Variants in ABCG2 observed in about 807,000 individuals in gnomAD.
ABCG2 encodes the protein broad substrate specificity ATP-binding cassette transporter ABCG2.
Under a neutral mutation model 73.5 loss-of-function variants are expected in ABCG2, and 80 were observed. The observed-to-expected ratio is 1.09, with a 90% CI of 0.91 to 1.31. ABCG2 has a LOEUF of 1.31. Among genes scored for constraint, ABCG2 ranks in the 50% most tolerant of loss-of-function variants. The pLI is 0.00. For synonymous variants in ABCG2, 269 were observed against 282.4 expected (o/e 0.95, Z 0.48); for missense variants, 796 against 786.2 (o/e 1.01, Z -0.15).
chr4:88,138,826 A>G (rs1031431211), intron 2 of ABCG2, among the ~76,000 whole-genome samples: 19 of 152,144 alleles, frequency 1.2e-4, no homozygotes, highest in African/African-American at 4.6e-4. Context: ...GAACTCATCT[A>G]TTGCTGAAAT....
chr4:88,131,424 C>G (rs1055087908), intron 4 of ABCG2, among the ~76,000 whole-genome samples: 2 of 152,084 alleles, frequency 1.3e-5, no homozygotes, highest in Non-Finnish European at 2.9e-5. Context: ...ATCTGTACAC[C>G]CAAATAGAAT....
intron 1 of ABCG2, among the ~76,000 whole-genome samples, chr4:88,186,842 C>T (rs1309877331): frequency 3.4e-5 from 5 of 146,396 alleles, no homozygotes; most frequent in African/African-American, 1.3e-4. Flanking sequence ...TGGCGTGAAC[C>T]CGGGAGGCAG....
intron 1 of ABCG2, among the ~76,000 whole-genome samples, chr4:88,188,107 A>T (rs6532053): frequency 3.9e-5 from 6 of 152,220 alleles, no homozygotes; most frequent in African/African-American, 1.2e-4. Flanking sequence ...TAAGAGTTTC[A>T]TAAGTTTAAG....
At chr4:88,211,180 G>T (rs1487433625) in intron 1 of ABCG2, among the ~76,000 whole-genome samples, 1 of 151,940 alleles carries the variant, frequency 6.6e-6, no homozygotes, top group Non-Finnish European at 1.5e-5. Context: ...GTGCTAAACA[G>T]GGGACTTAAC....
chr4:88,115,284 A>ATATATATATATATATATT (rs58774529), intron 7 of ABCG2, among the ~76,000 whole-genome samples: 14 of 73,136 alleles, frequency 1.9e-4, no homozygotes, highest in East Asian at 1.7e-3. Flanking sequence ...ATATATATAT[A>ATATATATATATATATATT]ATTTATTTAT....
chr4:88,212,259 G>A (rs555603954), intron 1 of ABCG2, among the ~76,000 whole-genome samples: 25 of 152,244 alleles, frequency 1.6e-4, no homozygotes, highest in African/African-American at 6.0e-4. Context: ...ACTTTCCCCA[G>A]AAGATCTCAG....
chr4:88,178,726 A>G (rs1213104900), intron 1 of ABCG2, among the ~76,000 whole-genome samples: 2 of 152,112 alleles, frequency 1.3e-5, no homozygotes, highest in Admixed American at 6.5e-5. Flanking sequence ...GCAGCATTCA[A>G]TACAAGCTGA....
intron 1 of ABCG2, among the ~76,000 whole-genome samples, chr4:88,148,357 C>T (rs1560714853): frequency 1.3e-5 from 2 of 152,038 alleles, no homozygotes; most frequent in Admixed American, 6.6e-5. Context: ...AATCCTTAAT[C>T]GAAAGAGATA....
intron 10 of ABCG2, among the ~76,000 whole-genome samples, chr4:88,101,888 T>C (rs957206800): frequency 6.6e-6 from 1 of 152,238 alleles, no homozygotes; most frequent in Non-Finnish European, 1.5e-5. Context: ...TATTTTGGTA[T>C]GGCAGCCAGG....
intron 1 of ABCG2, among the ~76,000 whole-genome samples, chr4:88,200,783 A>T (rs1319927209): frequency 6.6e-6 from 1 of 152,180 alleles, no homozygotes; most frequent in Admixed American, 6.5e-5. Context: ...AAGTGCTAGG[A>T]TTACAGGTGT....
intron 5 of ABCG2, among the ~76,000 whole-genome samples, chr4:88,129,142 G>A (rs553261879): frequency 1.3e-5 from 2 of 152,186 alleles, no homozygotes; most frequent in East Asian, 3.9e-4. Flanking sequence ...TAAGAGCATG[G>A]GCTCTGCAGC....
intron 1 of ABCG2, among the ~76,000 whole-genome samples, chr4:88,226,232 A>AG (rs1730205869): frequency 2.6e-5 from 4 of 152,224 alleles, no homozygotes. Flanking sequence ...TTCTGATTGC[A>AG]CTTCCCAGCT....
intron 7 of ABCG2, among the ~76,000 whole-genome samples, chr4:88,115,430 C>T (rs866902060): frequency 3.3e-5 from 5 of 149,992 alleles, no homozygotes; most frequent in African/African-American, 4.9e-5. Flanking sequence ...ATTAGAAGCA[C>T]GCATGACCAC....
chr4:88,093,860 C>T (rs1721810240), intron 15 of ABCG2, among the ~76,000 whole-genome samples: 1 of 152,182 alleles, frequency 6.6e-6, no homozygotes, highest in Admixed American at 6.5e-5. Flanking sequence ...GCACGTGTTA[C>T]TAAATTCTTA....
intron 1 of ABCG2, among the ~76,000 whole-genome samples, chr4:88,219,576 A>ATTTTTTTTT (rs5860122): frequency 1.1e-4 from 10 of 90,864 alleles, no homozygotes; most frequent in Admixed American, 3.4e-4. Flanking sequence ...TACCATTCAA[A>ATTTTTTTTT]TTTTTTTTTT....
At chr4:88,220,813 T>A (rs1729987192) in intron 1 of ABCG2, among the ~76,000 whole-genome samples, 1 of 152,158 alleles carries the variant, frequency 6.6e-6, no homozygotes, top group African/African-American at 2.4e-5. Flanking sequence ...TCTGATGGTT[T>A]TATAAGGCAC....
At position 88,118,184 on chromosome 4, in the gene ABCG2, G is replaced by A. The variant is rs1019617118; in HGVS notation, c.766C>T (p.Leu256Phe). 16 of 1,613,990 alleles carry A rather than the reference G, an allele frequency of 9.9e-6. No homozygotes were observed. Among genetic ancestry groups the A allele is most frequent in the Admixed American group, 3.3e-5 (2 of 59,996 alleles). Residue 256 changes from leucine (L) to phenylalanine (F), a missense_variant, in exon 7 of 16, where the codon CTC becomes TTC. By Grantham distance (22) the Leu-to-Phe change is conservative. Transcript: ENST00000237612. ...RYSIFKLFDS[L>F]TLLASGRLMF... ...AGTCTTCCTGAGGCCAATAAGGTGA[G>A]GCTATCAAACAACTTGAAGATGGAA...
intron 1 of ABCG2, among the ~76,000 whole-genome samples, chr4:88,145,838 G>A (rs975645441): frequency 7.0e-5 from 3 of 42,806 alleles, no homozygotes; most frequent in Non-Finnish European, 1.3e-4. Flanking sequence ...TACTCGGGAC[G>A]GCAGGAGAAT....
intron 1 of ABCG2, among the ~76,000 whole-genome samples, chr4:88,143,503 A>G (rs1725778184): frequency 2.0e-5 from 3 of 152,230 alleles, no homozygotes; most frequent in Admixed American, 1.3e-4. Context: ...GGCAACAACT[A>G]GAGCTAAAGT....
Sources: gnomAD v4.1 joint callset for allele counts (sites outside exome capture counted in the v4.1 genomes callset) on GRCh38, gnomAD v4.1.1 for gene constraint, MANE v1.5 for transcripts, NCBI Gene and HGNC (gene_info 2026-07-23, HGNC 2026-07-21) for gene names.